The following TSPAN1 variants were observed in gnomAD, a reference collection of about 807,000 sequenced individuals.
The protein encoded by TSPAN1 is tetraspanin 1, also known as tetraspanin-1.
A neutral mutation model predicts 26.9 loss-of-function variants in TSPAN1; 23 were observed. The ratio of observed to expected loss-of-function variants is 0.85; its 90% CI spans 0.62 to 1.21. The LOEUF is 1.21. Among genes scored for constraint, TSPAN1 ranks in the 50% most tolerant of loss-of-function variants. TSPAN1 has a pLI of 0.00. For missense variants in TSPAN1, 283 were observed against 298.4 expected, an observed-to-expected ratio of 0.95 and a Z score of 0.38; for synonymous variants, 115 against 114.8, an observed-to-expected ratio of 1.00 and a Z score of -0.01.
intron 1 of TSPAN1, among the ~76,000 whole-genome samples, chr1:46,179,564 C>T (rs1157321847): frequency 1.3e-5 from 2 of 152,186 alleles, no homozygotes; most frequent in Non-Finnish European, 2.9e-5. Flanking sequence ...GATTCCAGCA[C>T]CTGGTCTGAA....
the TSPAN1 span, chr1:46,195,093 A>ATTG: frequency 1.3e-6 from 1 of 797,912 alleles, no homozygotes; most frequent in Non-Finnish European, 2.2e-6. Context: ...CTCTATGGTT[A>ATTG]CTCTCTTTCA....
chr1:46,176,069 A>G (rs11211261), intron 1 of TSPAN1, among the ~76,000 whole-genome samples: 60,678 of 151,770 alleles, frequency 0.4, 12,866 homozygotes, highest in East Asian at 0.63. Context: ...TAGAGATGGG[A>G]TTTCACCGTG....
At chr1:46,192,807 G>T in the TSPAN1 span, 1 of 1,594,640 alleles carries the variant, frequency 6.3e-7, no homozygotes, top group Non-Finnish European at 8.6e-7. Context: ...CCACTTGTGA[G>T]CTCATGTCCT....
downstream of TSPAN1, chr1:46,189,619 G>C: frequency 6.3e-7 from 1 of 1,576,232 alleles, no homozygotes; most frequent in Non-Finnish European, 8.6e-7. Context: ...CTGTAGGGAG[G>C]GGTCACTGAC....
chr1:46,193,314 G>A, the TSPAN1 span: 101 of 1,613,594 alleles, frequency 6.3e-5, no homozygotes, highest in Non-Finnish European at 7.8e-5. Context: ...CCTGAGACAC[G>A]CGGGCATTCT....
downstream of TSPAN1, chr1:46,189,816 G>A (rs146776996): frequency 8.7e-6 from 14 of 1,612,652 alleles, no homozygotes; most frequent in Middle Eastern, 5.2e-4. Context: ...GTGTGTGAGG[G>A]GGAGGGGTTC....
downstream of TSPAN1, chr1:46,188,840 G>C (rs1441436106): frequency 6.2e-7 from 1 of 1,612,756 alleles, no homozygotes. Context: ...CCATGGGTTG[G>C]GCACAGCAGT....
chr1:46,176,871 TAC>T (rs1420314413), intron 1 of TSPAN1, among the ~76,000 whole-genome samples: 1 of 152,250 alleles, frequency 6.6e-6, no homozygotes, highest in Non-Finnish European at 1.5e-5. Flanking sequence ...CCTATTTATA[TAC>T]AGTCAATTCT....
At chr1:46,192,733 C>T in the TSPAN1 span, 1 of 1,594,910 alleles carries the variant, frequency 6.3e-7, no homozygotes, top group Non-Finnish European at 8.6e-7. Context: ...TGTCTCCATT[C>T]ATCCACTGTA....
At chr1:46,192,250 T>A in the TSPAN1 span, 1 of 1,614,044 alleles carries the variant, frequency 6.2e-7, no homozygotes, top group South Asian at 1.1e-5. Context: ...ACGATGAAGG[T>A]TAAGATGTTT....
Position 46,181,365 on chromosome 1 carries a change from G to A in TSPAN1, c.57+201G>A, listed in dbSNP as rs187238933. 1.1e-4 allele frequency among the ~76,000 whole-genome samples: 17 copies of A among 152,316 alleles called. 1 individual carries two copies. The highest frequency in any genetic ancestry group is 1.0e-3 in the Admixed American group (16 of 15,306). ...CAGCCAGGCTGCCATACAGGTGCGT[G>A]TGTGAAAAAGGGGATGGAGAAGCTA... On this transcript the variant is annotated intron_variant, in intron 3 of 8. Transcript: ENST00000372003.
downstream of TSPAN1, among the ~76,000 whole-genome samples, chr1:46,188,390 C>A (rs532146773): frequency 2.0e-5 from 3 of 152,134 alleles, no homozygotes; most frequent in African/African-American, 7.2e-5. Context: ...GACAGGTGCC[C>A]GGCCCAGGCA....
Position 46,184,256 on chromosome 1 carries a change from G to C in TSPAN1, c.123G>C (p.Lys41Asn). The C allele has an allele frequency of 6.2e-7, 1 of 1,614,212 alleles. No individual in the cohort carries two copies. Reference sequence around the variant, plus strand: ...CAATCGATGGGGCATCCTTTCTGAAGATCTTCGGGCCACTGTCGTCCAGTG... The same window carrying C: ...CAATCGATGGGGCATCCTTTCTGAACATCTTCGGGCCACTGTCGTCCAGTG... ...WVSIDGASFL[K>N]IFGPLSSSAM... is the part of the protein sequence containing the mutation. The change falls in exon 4 of 9, where the codon AAG (lysine) becomes AAC (asparagine). Residue 41 changes from lysine to asparagine, a missense_variant. By Grantham distance (94) the Lys-to-Asn change is moderately conservative (BLOSUM62 0). Transcript: ENST00000372003.
chr1:46,194,498 C>A, the TSPAN1 span: 1 of 1,614,158 alleles, frequency 6.2e-7, no homozygotes, highest in Non-Finnish European at 8.5e-7. Context: ...ACAGAGAGAT[C>A]TAAATGCCCA....
rs996399314 is a variant in TSPAN1, at chr1:46,176,426, G to A, written c.-142+1017G>A. On this transcript the variant is annotated intron_variant, in intron 1 of 8. Transcript: ENST00000372003. ...ATACCTGGCCTGCGGTAGGGGGAAC[G>A]CATGCCCTGGGGCCGAGGGCCACGG... 42 of 1,535,646 alleles carry A rather than the reference G, an allele frequency of 2.7e-5. No individual in the cohort carries two copies. The East Asian group carries it at 7.6e-4, about 28-fold the overall frequency.
At chr1:46,189,036 C>T (rs998223479), downstream of TSPAN1, 54 of 1,564,242 alleles carry the variant, frequency 3.5e-5, no homozygotes, top group African/African-American at 7.1e-4. Flanking sequence ...CGTAATGATT[C>T]CCAGGTACTC....
downstream of TSPAN1, chr1:46,190,767 CT>C (rs1176001640): frequency 5.6e-6 from 9 of 1,613,858 alleles, no homozygotes; most frequent in Non-Finnish European, 6.8e-6. Flanking sequence ...TGAACTTGTG[CT>C]TCTTGAAGTA....
chr1:46,189,623 C>A, downstream of TSPAN1: 1 of 1,572,272 alleles, frequency 6.4e-7, no homozygotes, highest in Admixed American at 1.9e-5. Context: ...AGGGAGGGGT[C>A]ACTGACGACC....
chr1:46,193,430 C>T, the TSPAN1 span: 2 of 1,603,730 alleles, frequency 1.2e-6, no homozygotes, highest in Non-Finnish European at 1.7e-6. Flanking sequence ...GGTCACTTTC[C>T]CTCTGCCCAC....
Sources: gnomAD v4.1 joint callset for allele counts (sites outside exome capture counted in the v4.1 genomes callset) on GRCh38, gnomAD v4.1.1 for gene constraint, MANE v1.5 for transcripts, NCBI Gene and HGNC (gene_info 2026-07-23, HGNC 2026-07-21) for gene names.